Variants in ZMIZ1 observed in about 807,000 individuals in gnomAD.
ZMIZ1 encodes the protein zinc finger MIZ domain-containing protein 1.
ZMIZ1 carries 17 observed loss-of-function variants against 113.9 expected under a neutral mutation model. The observed-to-expected ratio is 0.15, with a 90% CI of 0.10 to 0.22. The LOEUF (loss-of-function observed/expected upper bound fraction) is 0.22. Ranked by LOEUF, ZMIZ1 falls within the 10% of genes least tolerant of loss-of-function variation. ZMIZ1 has a pLI of 1.00. For missense variants in ZMIZ1, 1,059 were observed against 1,477.8 expected (o/e 0.72, Z 4.65); for synonymous variants, 607 against 603.1 (o/e 1.01, Z -0.09).
At chr10:79,116,230 T>G (rs988443316) in intron 1 of ZMIZ1, among the ~76,000 whole-genome samples, 1 of 151,912 alleles carries the variant, frequency 6.6e-6, no homozygotes, top group African/African-American at 2.4e-5. Flanking sequence ...AGATCCCAGT[T>G]CCCCATCCTA....
Position 79,201,639 on chromosome 10 carries a change from T to C in ZMIZ1, c.7T>C (p.Ser3Pro). Residue 3 changes from serine (S) to proline (P), a missense_variant, in exon 5 of 25, where the codon TCT (serine) becomes CCT (proline). Transcript: ENST00000334512. ...ACCTAGTGAAACGGCCAGAATGAATTCTATGGACAGGCACATCCAGCAGAC... is the reference window on the plus strand; with the variant it reads ...ACCTAGTGAAACGGCCAGAATGAATCCTATGGACAGGCACATCCAGCAGAC... The part of the protein sequence containing the change: MN[S>P]MDRHIQQTND... 6.2e-7 allele frequency: 1 copy of C among 1,613,578 alleles called. No individual in the cohort carries two copies. The highest frequency in any genetic ancestry group is 8.5e-7 in the Non-Finnish European group (1 of 1,179,842).
intron 1 of ZMIZ1, among the ~76,000 whole-genome samples, chr10:79,108,945 C>G (rs991097407): frequency 1.3e-5 from 2 of 152,030 alleles, no homozygotes; most frequent in Admixed American, 1.3e-4. Context: ...GTGGGCACAC[C>G]CAGGCCCACG....
chr10:79,245,343 C>G (rs1850127733), intron 7 of ZMIZ1, among the ~76,000 whole-genome samples: 1 of 152,208 alleles, frequency 6.6e-6, no homozygotes, highest in Admixed American at 6.5e-5. Flanking sequence ...CTGGCTCCAA[C>G]AGGAGCAAGA....
At chr10:79,312,249 C>T (rs922761073) in intron 24 of ZMIZ1, among the ~76,000 whole-genome samples, 2 of 152,334 alleles carry the variant, frequency 1.3e-5, no homozygotes, top group African/African-American at 2.4e-5. Flanking sequence ...CTCGCCTTCC[C>T]GCCTTCCCAC....
intron 7 of ZMIZ1, among the ~76,000 whole-genome samples, chr10:79,221,098 G>A (rs1014857843): frequency 1.3e-5 from 2 of 152,146 alleles, no homozygotes; most frequent in African/African-American, 4.8e-5. Context: ...TGTGTGTGTC[G>A]CCCTGGCGCT....
chr10:79,199,522 T>C (rs570116226), intron 4 of ZMIZ1, among the ~76,000 whole-genome samples: 1 of 152,186 alleles, frequency 6.6e-6, no homozygotes, highest in African/African-American at 2.4e-5. Flanking sequence ...AAAAAGTTCT[T>C]TGTGTCTTGA....
At chr10:79,303,988 C>T (rs370880258) in intron 18 of ZMIZ1, 27 bp from the exon 19 acceptor site, 9 of 1,613,006 alleles carry the variant, frequency 5.6e-6, no homozygotes, top group Non-Finnish European at 7.6e-6. Context: ...TTGCCATCCT[C>T]ACCTGTCTGT....
At chr10:79,162,023 A>G (rs1589360119) in intron 3 of ZMIZ1, 30 bp from the exon 4 acceptor site, 1 of 399,130 alleles carries the variant, frequency 2.5e-6, no homozygotes, top group East Asian at 3.6e-5. Context: ...TACTGTGGGT[A>G]GACCCGCTGA....
chr10:79,236,756 A>T (rs10762854), intron 7 of ZMIZ1, among the ~76,000 whole-genome samples: 1 of 151,948 alleles, frequency 6.6e-6, no homozygotes, highest in Admixed American at 6.5e-5. Context: ...TGTGCATTCA[A>T]TCATTCTTGG....
At chr10:79,189,346 C>T (rs148382014) in intron 4 of ZMIZ1, among the ~76,000 whole-genome samples, 104 of 152,250 alleles carry the variant, frequency 6.8e-4, no homozygotes, top group South Asian at 1.2e-3. Flanking sequence ...ACGCAGGCAC[C>T]CAAGTCTCTG....
intron 8 of ZMIZ1, among the ~76,000 whole-genome samples, chr10:79,279,084 G>A (rs915938152): frequency 2.7e-5 from 4 of 149,876 alleles, no homozygotes; most frequent in Admixed American, 6.6e-5. Context: ...CCTCCAGGAC[G>A]GGGCAGCTGG....
chr10:79,096,436 C>T (rs910495287), intron 1 of ZMIZ1, among the ~76,000 whole-genome samples: 7 of 152,028 alleles, frequency 4.6e-5, no homozygotes, highest in East Asian at 1.9e-4. Flanking sequence ...GGCGTGAACC[C>T]GGGAGGCGGA....
rs1554835201 is a variant in ZMIZ1 at position 79,314,689 on chromosome 10, T to TTA, written c.*1940_*1941insTA. 2.0e-4 allele frequency: 34 copies of TTA among 168,954 alleles called. No individual in the cohort carries two copies. Among genetic ancestry groups the TTA allele is most frequent in the African/African-American group, 7.9e-4 (33 of 41,522 alleles). The allele number at this position is 168,954 out of a possible 1,614,324, so 10.5% of individuals were successfully genotyped here. On this transcript the variant is annotated 3_prime_UTR_variant, in exon 25 of 25. Coordinates refer to ENST00000334512, the MANE Select transcript of ZMIZ1 (RefSeq NM_020338.4). Reference sequence around the variant, plus strand: ...ACAAAGACCGAGTCTTCTTTTTTTTTAAACAAAAACAAAAAAAGCAACCAG... The same window carrying TTA: ...ACAAAGACCGAGTCTTCTTTTTTTTTTAAAACAAAAACAAAAAAAGCAACCAG...
rs116871489 is a variant in ZMIZ1 at position 79,222,463 on chromosome 10, G to A, written c.280+6189G>A. On this transcript the variant is annotated intron_variant, in intron 7 of 24. Transcript: ENST00000334512. ...TTCAAGGACACCCTCCCATCTCAAC[G>A]CAGCAGCCCGAGTCCTGGGTCCCAT... Among the ~76,000 whole-genome samples the A allele has an allele frequency of 5.0e-4, 76 of 152,296 alleles. No individual in the cohort carries two copies. The East Asian group carries it at 0.011, about 22-fold the overall frequency.
intron 23 of ZMIZ1, among the ~76,000 whole-genome samples, chr10:79,310,234 G>T (rs148978207): frequency 3.3e-5 from 5 of 152,272 alleles, no homozygotes; most frequent in African/African-American, 1.2e-4. Context: ...CGACCAAGTG[G>T]GATGTCTAGG....
chr10:79,298,436 C>T lies in ZMIZ1; in HGVS notation c.1522C>T (p.Pro508Ser), dbSNP rs751281516. Residue 508 changes from proline (P) to serine (S), a missense_variant, in exon 15 of 25, where the codon CCC becomes TCC. Physicochemically the swap from Pro to Ser is moderately conservative, Grantham distance 74 (BLOSUM62 -1). Coordinates refer to ENST00000334512, the MANE Select transcript of ZMIZ1 (RefSeq NM_020338.4). ...PPRPVPVANY[P>S]HSPVPGNPTP... ...CAGGCCGGTTCCTGTGGCAAATTAC[C>T]CCCACTCACCTGTTCCAGGGAACCC... The T allele has an allele frequency of 1.2e-6, 2 of 1,609,660 alleles. No homozygotes were observed. The highest frequency in any genetic ancestry group is 2.2e-5 in the South Asian group (2 of 90,824).
intron 7 of ZMIZ1, among the ~76,000 whole-genome samples, chr10:79,244,042 C>T (rs887257192): frequency 4.1e-4 from 63 of 152,244 alleles, no homozygotes; most frequent in African/African-American, 1.5e-3. Flanking sequence ...AGACATTTTA[C>T]GAGGCTCTGT....
At chr10:79,246,256 G>A (rs756440639) in intron 7 of ZMIZ1, among the ~76,000 whole-genome samples, 8 of 152,328 alleles carry the variant, frequency 5.3e-5, no homozygotes, top group East Asian at 1.9e-4. Context: ...AGTGGGCAGC[G>A]GTCCCAGGAG....
At position 79,290,567 on chromosome 10, in the gene ZMIZ1, C is replaced by T. The variant is rs542748928; in HGVS notation, c.541-392C>T. The stretch of plus-strand genomic sequence containing the variant: ...CAGGGGCCTTGGGGCCCCTGTGTGA[C>T]AAGACGCTGGCATCCAGGCTCGTTT... On this transcript the variant is annotated intron_variant, in intron 9 of 24. Transcript: ENST00000334512. Among the ~76,000 whole-genome samples, 7 of 152,288 alleles carry T rather than the reference C, an allele frequency of 4.6e-5. No homozygotes were observed. The South Asian group carries it at 1.5e-3, about 32-fold the overall frequency.
Sources: allele counts gnomAD v4.1 joint callset (sites outside exome capture counted in the v4.1 genomes callset), GRCh38; gene constraint gnomAD v4.1.1; transcripts MANE v1.5; gene names NCBI Gene and HGNC (gene_info 2026-07-23, HGNC 2026-07-21).